PHGDH: variants seen among roughly 807,000 people sequenced by gnomAD.
PHGDH encodes the protein D-3-phosphoglycerate dehydrogenase.
A neutral mutation model predicts 52.6 loss-of-function variants in PHGDH; 50 were observed. That is an observed-to-expected ratio of 0.95 (90% confidence interval 0.76 to 1.20). The LOEUF (loss-of-function observed/expected upper bound fraction) is 1.20. Among genes scored for constraint, PHGDH ranks in the 50% most tolerant of loss-of-function variants. The probability of loss-of-function intolerance (pLI) is 0.00; values close to 1 mark genes in which losing one functional copy is unlikely to be tolerated. For missense variants in PHGDH, 630 were observed against 684.6 expected (o/e 0.92, Z 0.89); for synonymous variants, 271 against 280.5 (o/e 0.97, Z 0.34).
At chr1:119,717,760 T>G (rs1400229414) in intron 1 of PHGDH, among the ~76,000 whole-genome samples, 1 of 152,242 alleles carries the variant, frequency 6.6e-6, no homozygotes. Flanking sequence ...TTTTTCAACT[T>G]CTTTTAATAA....
intron 9 of PHGDH, among the ~76,000 whole-genome samples, chr1:119,741,542 A>G (rs1652206982): frequency 6.6e-6 from 1 of 151,838 alleles, no homozygotes; most frequent in Non-Finnish European, 1.5e-5. Flanking sequence ...TTTGGAGAGG[A>G]GTTTCTCAGG....
chr1:119,731,039 A>G (rs1282801743), intron 5 of PHGDH, among the ~76,000 whole-genome samples: 1 of 152,218 alleles, frequency 6.6e-6, no homozygotes, highest in Non-Finnish European at 1.5e-5. Flanking sequence ...TGTGGGTCCA[A>G]AAAGCAGCTA....
intron 1 of PHGDH, among the ~76,000 whole-genome samples, chr1:119,716,338 AT>A (rs1650936003): frequency 6.6e-6 from 1 of 152,266 alleles, no homozygotes; most frequent in African/African-American, 2.4e-5. Flanking sequence ...AGACTACAGC[AT>A]AAATCTTTAC....
chr1:119,725,404 A>G (rs587597414), intron 3 of PHGDH, among the ~76,000 whole-genome samples: 2 of 152,254 alleles, frequency 1.3e-5, no homozygotes, highest in East Asian at 1.9e-4. Context: ...GAGGGAGAGG[A>G]GAGAGGGGCC....
intron 9 of PHGDH, among the ~76,000 whole-genome samples, chr1:119,741,119 T>G (rs1652186716): frequency 6.6e-6 from 1 of 152,162 alleles, no homozygotes; most frequent in Non-Finnish European, 1.5e-5. Context: ...GTGGCCACCT[T>G]TGCAGTGGAT....
At position 119,742,898 on chromosome 1, in the gene PHGDH, C is replaced by T; in HGVS notation, c.1301C>T (p.Ala434Val). The T allele has an allele frequency of 1.2e-6, 2 of 1,613,944 alleles. No individual in the cohort carries two copies. Among genetic ancestry groups the T allele is most frequent in the Non-Finnish European group, 1.7e-6 (2 of 1,179,770 alleles). Residue 434 changes from alanine (A) to valine (V), a missense_variant, in exon 11 of 12, where the codon GCT becomes GTT. Physicochemically the swap from Ala to Val is moderately conservative, Grantham distance 64. Transcript: ENST00000641023. ...AVALAGAPYQ[A>V]VGLVQGTTPV... Reference sequence around the variant, plus strand: ...GCCCTGGCAGGCGCCCCTTACCAGGCTGTGGGCTTGGTCCAAGGCACTACG... The same window carrying T: ...GCCCTGGCAGGCGCCCCTTACCAGGTTGTGGGCTTGGTCCAAGGCACTACG...
At chr1:119,717,572 G>A (rs1650989075) in intron 1 of PHGDH, among the ~76,000 whole-genome samples, 1 of 152,090 alleles carries the variant, frequency 6.6e-6, no homozygotes, top group Non-Finnish European at 1.5e-5. Context: ...CTGAAGTGAG[G>A]TAGCAATCTA....
chr1:119,732,023 T>C (rs1651715870), intron 5 of PHGDH, among the ~76,000 whole-genome samples: 1 of 152,224 alleles, frequency 6.6e-6, no homozygotes, highest in South Asian at 2.1e-4. Flanking sequence ...TCTGCAGCTT[T>C]GAATTGACCT....
chr1:119,723,476 C>T, intron 3 of PHGDH, 35 bp downstream of exon 3: 1 of 1,498,852 alleles, frequency 6.7e-7, no homozygotes, highest in African/African-American at 1.4e-5. Flanking sequence ...GCTAGTCTCT[C>T]CGATATGCCA....
intron 10 of PHGDH, chr1:119,742,592 G>T: frequency 3.3e-6 from 2 of 611,028 alleles, no homozygotes; most frequent in Non-Finnish European, 2.9e-6. Flanking sequence ...AGATCTCTTT[G>T]CCCTCCCTTT....
Position 119,742,799 on chromosome 1 carries a change from CCA to C in PHGDH, c.1210-3_1210-2del. On this transcript the variant is annotated splice_polypyrimidine_tract_variant and splice_region_variant and intron_variant, in intron 10 of 11. Transcript: ENST00000641023. ...AGGTGTAACAGTCACCTTGCCTTCT[CCA>C]CACAGGTCACCACCTCCCACAGCCC... 1 of 1,574,164 alleles carries C rather than the reference CCA, an allele frequency of 6.4e-7. No homozygotes were observed. The highest frequency in any genetic ancestry group is 8.7e-7 in the Non-Finnish European group (1 of 1,150,388).
intron 10 of PHGDH, chr1:119,742,209 T>C (rs1652240489): frequency 6.9e-6 from 3 of 432,216 alleles, no homozygotes; most frequent in Non-Finnish European, 1.3e-5. Context: ...CAGGCCATGT[T>C]TGACTCTGCC....
At chr1:119,726,225 T>TTGG (rs1491363718) in intron 3 of PHGDH, among the ~76,000 whole-genome samples, 1 of 114,274 alleles carries the variant, frequency 8.8e-6, no homozygotes, top group African/African-American at 3.8e-5. Context: ...TGTGTGTGTG[T>TTGG]TGGTGGTGGT....
At chr1:119,721,612 C>T (rs1269132800) in intron 2 of PHGDH, 12 of 359,136 alleles carry the variant, frequency 3.3e-5, no homozygotes, top group Non-Finnish European at 5.1e-5. Context: ...CCACCCCATG[C>T]GCAGTTGCTT....
intron 2 of PHGDH, among the ~76,000 whole-genome samples, chr1:119,722,688 C>T (rs1302298529): frequency 6.6e-6 from 1 of 151,126 alleles, no homozygotes; most frequent in East Asian, 2.0e-4. Context: ...TTGAGACCAG[C>T]CTGGGCAACA....
intron 7 of PHGDH, among the ~76,000 whole-genome samples, chr1:119,736,097 A>G (rs1651924106): frequency 6.6e-6 from 1 of 152,130 alleles, no homozygotes; most frequent in Admixed American, 6.5e-5. Context: ...TGGACTTTGG[A>G]TTAGGTAGTT....
At chr1:119,740,071 C>A (rs758974256) in intron 8 of PHGDH, 6 of 367,724 alleles carry the variant, frequency 1.6e-5, no homozygotes, top group Admixed American at 3.8e-5. Flanking sequence ...CTTTATTGTG[C>A]TGTCCAATCC....
Position 119,744,032 on chromosome 1 carries a change from C to T in PHGDH, c.1594C>T (p.His532Tyr). Residue 532 changes from histidine (H) to tyrosine (Y), a missense_variant, in exon 12 of 12, where the codon CAC (histidine) becomes TAC (tyrosine). His to Tyr is a moderately conservative substitution (Grantham distance 83). Coordinates refer to ENST00000641023, the MANE Select transcript of PHGDH (RefSeq NM_006623.4). ...GCATGTGACTGAAGCCTTCCAGTTC[C>T]ACTTCTAACCTTGGAGCTCACTGGT... ...KQHVTEAFQF[H>Y]F 6.2e-7 allele frequency: 1 copy of T among 1,614,164 alleles called. No homozygotes were observed. Among genetic ancestry groups the T allele is most frequent in the African/African-American group, 1.3e-5 (1 of 75,056 alleles).
At position 119,740,693 on chromosome 1, in the gene PHGDH, G is replaced by T. The variant is rs2101217352; in HGVS notation, c.1078+175G>T. Among the ~76,000 whole-genome samples, 3 of 152,194 alleles carry T rather than the reference G, an allele frequency of 2.0e-5. 1 individual carries two copies. The highest frequency in any genetic ancestry group is 6.8e-3 in the Middle Eastern group (2 of 294). ...TGGTGGGAGGGTGGTAAAGGGAGGGGTTAAAAAAAGTCGTTGGAAAGATGT... is the reference window on the plus strand; with the variant it reads ...TGGTGGGAGGGTGGTAAAGGGAGGGTTTAAAAAAAGTCGTTGGAAAGATGT... On this transcript the variant is annotated intron_variant, in intron 9 of 11. Transcript: ENST00000641023.
Sources: gnomAD v4.1 joint callset for allele counts (sites outside exome capture counted in the v4.1 genomes callset) on GRCh38, gnomAD v4.1.1 for gene constraint, MANE v1.5 for transcripts, NCBI Gene and HGNC (gene_info 2026-07-23, HGNC 2026-07-21) for gene names.